The following ADGRA3 variants were observed in gnomAD, a reference collection of about 807,000 sequenced individuals.
ADGRA3 encodes the protein adhesion G protein-coupled receptor A3.
ADGRA3 carries 56 observed loss-of-function variants against 119.8 expected under a neutral mutation model. The ratio of observed to expected loss-of-function variants is 0.47; its 90% CI spans 0.38 to 0.58. The LOEUF (loss-of-function observed/expected upper bound fraction) is 0.58, where lower values mean the gene tolerates loss of function less well. ADGRA3 is among the 20% of genes least tolerant of loss of function. ADGRA3 has a pLI of 0.00. For synonymous variants in ADGRA3, 607 were observed against 623.8 expected, an observed-to-expected ratio of 0.97 and a Z score of 0.40; for missense variants, 1,516 against 1,649.0, an observed-to-expected ratio of 0.92 and a Z score of 1.40.
chr4:22,458,142 A>G (rs557297915), intron 3 of ADGRA3, among the ~76,000 whole-genome samples: 2 of 152,344 alleles, frequency 1.3e-5, no homozygotes, highest in African/African-American at 2.4e-5. Flanking sequence ...AAAATCATTC[A>G]GCATCAGCCC....
Position 22,388,743 on chromosome 4 carries a change from C to T in ADGRA3, c.2928G>A (p.Met976Ile), listed in dbSNP as rs2108989611. 1 of 1,614,024 alleles carries T rather than the reference C, an allele frequency of 6.2e-7. No homozygotes were observed. Among genetic ancestry groups the T allele is most frequent in the African/African-American group, 1.3e-5 (1 of 75,038 alleles). The stretch of plus-strand genomic sequence containing the variant: ...CTGATGTAGAAATCAGAGACAAAGA[C>T]ATTGAATCCTGATGATTTATTTCGC... ...ENGEINHQDS[M>I]SLSLISTSAL... The change falls in exon 19 of 19, where the codon ATG (methionine) becomes ATA (isoleucine). Residue 976 changes from methionine to isoleucine, a missense_variant. Around this residue, in one of 2 missense-constraint regions of ADGRA3, gnomAD observed 1,088 missense variants for 1,107.1 expected, o/e 0.98. Transcript: ENST00000334304.
rs573998384 is a variant in ADGRA3 at position 22,506,550 on chromosome 4, C to T, written c.257+8978G>A. On this transcript the variant is annotated intron_variant, in intron 1 of 18. Coordinates refer to ENST00000334304, the MANE Select transcript of ADGRA3 (RefSeq NM_145290.4). ...CCTGGGTGACAGAGTGAGACCCTAT[C>T]TCAAAAACAAACAAACAAACAAACC... Among the ~76,000 whole-genome samples the T allele has an allele frequency of 1.4e-4, 22 of 152,110 alleles. No individual in the cohort carries two copies. The East Asian group carries it at 4.3e-3, about 30-fold the overall frequency.
At chr4:22,427,780 C>T (rs1716001941) in intron 10 of ADGRA3, among the ~76,000 whole-genome samples, 1 of 152,148 alleles carries the variant, frequency 6.6e-6, no homozygotes, top group Non-Finnish European at 1.5e-5. Flanking sequence ...AAAACTGCAA[C>T]CAGTGTAAGG....
At chr4:22,472,980 G>T (rs562870257) in intron 2 of ADGRA3, 9 of 152,224 alleles carry the variant, frequency 5.9e-5, no homozygotes, top group East Asian at 1.9e-4. Context: ...GCAAAAATGA[G>T]TGCTACCTGT....
At chr4:22,485,219 T>C (rs560260277) in intron 1 of ADGRA3, among the ~76,000 whole-genome samples, 57 of 152,222 alleles carry the variant, frequency 3.7e-4, no homozygotes, top group Non-Finnish European at 6.9e-4. Flanking sequence ...ATAGCTAGGA[T>C]CATAGACATG....
chr4:22,468,824 T>C (rs1717755851), intron 2 of ADGRA3, among the ~76,000 whole-genome samples: 1 of 150,514 alleles, frequency 6.6e-6, no homozygotes, highest in Admixed American at 6.6e-5. Context: ...TATAGACTAG[T>C]GAACACATGG....
At chr4:22,442,377 A>C (rs1241581157) in intron 7 of ADGRA3, among the ~76,000 whole-genome samples, 1 of 152,138 alleles carries the variant, frequency 6.6e-6, no homozygotes, top group Non-Finnish European at 1.5e-5. Flanking sequence ...TTTAGCACTA[A>C]AAGTTTACAT....
At chr4:22,410,766 CAACT>C (rs1715157546) in intron 14 of ADGRA3, among the ~76,000 whole-genome samples, 1 of 152,030 alleles carries the variant, frequency 6.6e-6, no homozygotes, top group African/African-American at 2.4e-5. Flanking sequence ...GTTTAATTAG[CAACT>C]AACTCCCATG....
chr4:22,447,353 G>T, intron 5 of ADGRA3, 87 bp downstream of exon 5: 1 of 816,318 alleles, frequency 1.2e-6, no homozygotes, highest in Non-Finnish European at 2.0e-6. Flanking sequence ...TCCTCACAAA[G>T]TCTCTGAAAC....
rs1199729998 is a variant in ADGRA3, at chr4:22,392,895, A to G, written c.2482-205T>C. On this transcript the variant is annotated intron_variant, in intron 16 of 18. Coordinates refer to ENST00000334304, the MANE Select transcript of ADGRA3 (RefSeq NM_145290.4). ...CAATCCTCAAATACACAAACCAACA[A>G]TTGGCTCTAGGAAGCCCACAAACTA... 8 of 506,132 alleles carry G rather than the reference A, an allele frequency of 1.6e-5. No individual in the cohort carries two copies. In the Admixed American group the frequency reaches 2.9e-4, roughly 18 times the overall value. 31.4% of individuals were successfully genotyped at this position (506,132 alleles called of 1,614,324 possible).
chr4:22,475,160 G>C (rs1264387242), intron 1 of ADGRA3, among the ~76,000 whole-genome samples: 1 of 152,070 alleles, frequency 6.6e-6, no homozygotes, highest in Non-Finnish European at 1.5e-5. Context: ...AAGTTATGTT[G>C]ACTTTAGGCG....
intron 17 of ADGRA3, among the ~76,000 whole-genome samples, chr4:22,389,439 C>T (rs1364272425): frequency 6.6e-6 from 1 of 150,866 alleles, no homozygotes; most frequent in Non-Finnish European, 1.5e-5. Context: ...CTTCTGCCAC[C>T]TTGTGGACAG....
At chr4:22,413,905 A>C in intron 12 of ADGRA3, 91 bp from the exon 13 acceptor site, 1 of 831,946 alleles carries the variant, frequency 1.2e-6, no homozygotes. Flanking sequence ...AAGTGGTATA[A>C]TTAGGTTGAC....
chr4:22,444,593 T>C (rs1029123918), intron 6 of ADGRA3, among the ~76,000 whole-genome samples: 1 of 152,110 alleles, frequency 6.6e-6, no homozygotes, highest in Non-Finnish European at 1.5e-5. Context: ...CACTGAAACA[T>C]GTTGCTTCAA....
chr4:22,392,407 C>G, intron 17 of ADGRA3, 138 bp downstream of exon 17: 1 of 941,762 alleles, frequency 1.1e-6, no homozygotes, highest in Non-Finnish European at 1.6e-6. Context: ...ATGCCTGAGC[C>G]ATTTTCAAAA....
chr4:22,456,658 G>A (rs908422032), intron 3 of ADGRA3, among the ~76,000 whole-genome samples: 1 of 152,104 alleles, frequency 6.6e-6, no homozygotes, highest in Non-Finnish European at 1.5e-5. Flanking sequence ...AGGCCCTCCA[G>A]CTTACAGAAA....
intron 16 of ADGRA3, among the ~76,000 whole-genome samples, chr4:22,396,247 G>T (rs918008004): frequency 9.2e-5 from 14 of 152,144 alleles, no homozygotes; most frequent in African/African-American, 3.4e-4. Flanking sequence ...TACCTGAAAT[G>T]AATTTAGAAA....
chr4:22,445,314 C>T (rs1716790899), intron 5 of ADGRA3, among the ~76,000 whole-genome samples, 181 bp from the exon 6 acceptor site: 1 of 152,070 alleles, frequency 6.6e-6, no homozygotes, highest in South Asian at 2.1e-4. Flanking sequence ...AGTGTTGGAC[C>T]CCAACACTGT....
At chr4:22,483,725 T>A (rs183873248) in intron 1 of ADGRA3, among the ~76,000 whole-genome samples, 1 of 152,218 alleles carries the variant, frequency 6.6e-6, no homozygotes, top group Admixed American at 6.5e-5. Context: ...TCCTTAATTA[T>A]GGCTTAATGT....
Sources: allele counts gnomAD v4.1 joint callset (sites outside exome capture counted in the v4.1 genomes callset), GRCh38; gene constraint gnomAD v4.1.1; regional missense constraint gnomAD v4.1.1; transcripts MANE v1.5; gene names NCBI Gene and HGNC (gene_info 2026-07-23, HGNC 2026-07-21).